Variants in RSPO3 observed in about 807,000 individuals in gnomAD.
RSPO3 encodes R-spondin 3.
In RSPO3, 17 loss-of-function variants were observed where a neutral mutation model predicts 36.5. The observed-to-expected ratio is 0.47, with a 90% CI of 0.32 to 0.70. The LOEUF is 0.70. RSPO3 is among the 30% of genes least tolerant of loss of function. RSPO3 has a pLI of 0.04. For synonymous variants in RSPO3, 108 were observed against 107.0 expected (o/e 1.01, Z -0.06); for missense variants, 294 against 322.5 (o/e 0.91, Z 0.68).
At chr6:127,192,642 A>G in intron 4 of RSPO3, 5 of 985,100 alleles carry the variant, frequency 5.1e-6, no homozygotes, top group Non-Finnish European at 6.0e-6. Context: ...ACACCCTCAT[A>G]GGTAGAACAT....
intron 1 of RSPO3, among the ~76,000 whole-genome samples, chr6:127,136,947 T>C (rs1774173014): frequency 6.6e-6 from 1 of 152,152 alleles, no homozygotes; most frequent in Non-Finnish European, 1.5e-5. Context: ...GAGCTTATTG[T>C]GGGGAGAAGG....
chr6:127,159,138 C>G (rs373499983), intron 4 of RSPO3, among the ~76,000 whole-genome samples: 2 of 152,166 alleles, frequency 1.3e-5, no homozygotes, highest in East Asian at 3.9e-4. Context: ...TGTGTGTGCA[C>G]CTGCATTTGA....
At chr6:127,131,281 C>G (rs1967685) in intron 1 of RSPO3, among the ~76,000 whole-genome samples, 82,641 of 151,788 alleles carry the variant, frequency 0.54, 22,548 homozygotes, top group African/African-American at 0.61. Flanking sequence ...AGAGTTGCAG[C>G]AAGAGAACCT....
rs551912295 is a variant in RSPO3 at position 127,195,275 on chromosome 6, C to T, written c.635-548C>T. ...CCTTGACTTCCCAGGCTCAAGTGATCCTCCTACCTCAGCCTTCTGCATAGC... is the reference window on the plus strand; with the variant it reads ...CCTTGACTTCCCAGGCTCAAGTGATTCTCCTACCTCAGCCTTCTGCATAGC... On this transcript the variant is annotated intron_variant, in intron 4 of 4. Coordinates refer to ENST00000356698, the MANE Select transcript of RSPO3 (RefSeq NM_032784.5). Among the ~76,000 whole-genome samples the T allele has an allele frequency of 3.9e-5, 6 of 152,180 alleles. No individual in the cohort carries two copies. In the South Asian group the frequency reaches 1.2e-3, roughly 32 times the overall value.
At chr6:127,135,490 G>T (rs942219513) in intron 1 of RSPO3, among the ~76,000 whole-genome samples, 3 of 151,154 alleles carry the variant, frequency 2.0e-5, no homozygotes, top group Non-Finnish European at 4.4e-5. Flanking sequence ...AATGGTAGCA[G>T]TAGTAGTAGT....
intron 1 of RSPO3, among the ~76,000 whole-genome samples, chr6:127,125,645 T>C (rs9482772): frequency 0.4 from 60,550 of 152,004 alleles, 12,304 homozygotes; most frequent in East Asian, 0.53. Flanking sequence ...ACATAAACAT[T>C]CATTGATTAT....
intron 4 of RSPO3, among the ~76,000 whole-genome samples, chr6:127,161,764 G>T (rs1193309805): frequency 6.6e-6 from 1 of 152,024 alleles, no homozygotes; most frequent in Non-Finnish European, 1.5e-5. Context: ...TTAGTGCTTT[G>T]TGACCCATTG....
intron 1 of RSPO3, among the ~76,000 whole-genome samples, chr6:127,127,614 T>C (rs1773963449): frequency 6.6e-6 from 1 of 152,120 alleles, no homozygotes; most frequent in Non-Finnish European, 1.5e-5. Flanking sequence ...CTGTAAGGAA[T>C]GTGCCAATAG....
chr6:127,128,977 C>A (rs748343990), intron 1 of RSPO3, among the ~76,000 whole-genome samples: 1 of 151,968 alleles, frequency 6.6e-6, no homozygotes, highest in Non-Finnish European at 1.5e-5. Context: ...TTTTTCAAAG[C>A]TACTTAATAA....
chr6:127,185,468 A>G (rs890988174), intron 4 of RSPO3, among the ~76,000 whole-genome samples: 2 of 152,120 alleles, frequency 1.3e-5, no homozygotes, highest in Non-Finnish European at 2.9e-5. Context: ...AATGAGTAAG[A>G]TCCTGAAGCA....
rs1234728835 is a variant in RSPO3 at position 127,199,356 on chromosome 6, TTTC to T, written c.*3352_*3354del. ...CCACAAGTCAAACATATAAATTTTA[TTTC>T]TTGATTCATGATATGTGATAGTATT... On this transcript the variant is annotated 3_prime_UTR_variant, in exon 5 of 5. Transcript: ENST00000356698. 6.6e-6 allele frequency among the ~76,000 whole-genome samples: 1 copy of T among 152,068 alleles called. No individual in the cohort carries two copies. The highest frequency in any genetic ancestry group is 2.4e-5 in the African/African-American group (1 of 41,318).
At chr6:127,144,656 T>TTTTTTTTTTTTTTTTTTC (rs1554220622) in intron 1 of RSPO3, among the ~76,000 whole-genome samples, 1 of 147,704 alleles carries the variant, frequency 6.8e-6, no homozygotes, top group African/African-American at 2.5e-5. Context: ...TTTTTTTTTT[T>TTTTTTTTTTTTTTTTTTC]CAGACAGAGT....
rs1775547070 is a variant in RSPO3 at position 127,197,881 on chromosome 6, T to C, written c.*1874T>C. ...TCTAATTCCATTTTCAGCTAAAACATATATTACCAAGAAGAAACAAACTTT... is the reference window on the plus strand; with the variant it reads ...TCTAATTCCATTTTCAGCTAAAACACATATTACCAAGAAGAAACAAACTTT... On this transcript the variant is annotated 3_prime_UTR_variant, in exon 5 of 5. Coordinates refer to ENST00000356698, the MANE Select transcript of RSPO3 (RefSeq NM_032784.5). 1 of 172,416 alleles carries C rather than the reference T, an allele frequency of 5.8e-6. No homozygotes were observed. The highest frequency in any genetic ancestry group is 1.6e-4 in the South Asian group (1 of 6,190). The allele number at this position is 172,416 out of a possible 1,614,324, so 10.7% of individuals were successfully genotyped here. A position where few individuals can be genotyped will look rare whatever the true frequency, so the allele number is the denominator to read the frequency against.
intron 4 of RSPO3, among the ~76,000 whole-genome samples, chr6:127,158,507 T>C (rs1342738152): frequency 6.6e-6 from 1 of 152,130 alleles, no homozygotes; most frequent in African/African-American, 2.4e-5. Flanking sequence ...TTCTGCTCTG[T>C]TGAAATTGCC....
chr6:127,161,441 G>A (rs1774708903), intron 4 of RSPO3, among the ~76,000 whole-genome samples: 1 of 152,076 alleles, frequency 6.6e-6, no homozygotes, highest in Non-Finnish European at 1.5e-5. Context: ...TTAGAACTCA[G>A]CCAGCAGTTA....
At chr6:127,163,140 G>T (rs1181993427) in intron 4 of RSPO3, among the ~76,000 whole-genome samples, 1 of 151,936 alleles carries the variant, frequency 6.6e-6, no homozygotes, top group African/African-American at 2.4e-5. Context: ...TTTAAATTCT[G>T]GACCCCCAAA....
intron 3 of RSPO3, among the ~76,000 whole-genome samples, chr6:127,151,779 C>G (rs1271769108): frequency 6.6e-6 from 1 of 151,530 alleles, no homozygotes; most frequent in Non-Finnish European, 1.5e-5. Context: ...TGTAAAAACA[C>G]ATGGAAAAAA....
intron 4 of RSPO3, among the ~76,000 whole-genome samples, chr6:127,160,269 T>C (rs1287732978): frequency 6.6e-6 from 1 of 152,184 alleles, no homozygotes; most frequent in East Asian, 1.9e-4. Context: ...TTACAATTTG[T>C]ATATACTACA....
chr6:127,174,545 A>G (rs1039744125), intron 4 of RSPO3, among the ~76,000 whole-genome samples: 2 of 151,770 alleles, frequency 1.3e-5, no homozygotes, highest in Non-Finnish European at 2.9e-5. Flanking sequence ...GCTAGCTTTT[A>G]TTTTGTTACC....
Sources: allele counts gnomAD v4.1 joint callset (sites outside exome capture counted in the v4.1 genomes callset), GRCh38; gene constraint gnomAD v4.1.1; transcripts MANE v1.5; gene names NCBI Gene and HGNC (gene_info 2026-07-23, HGNC 2026-07-21).